Variants in SYDE1 observed in about 807,000 individuals in gnomAD.
SYDE1 encodes the protein synapse defective Rho GTPase activating protein 1.
SYDE1 carries 34 observed loss-of-function variants against 63.3 expected under a neutral mutation model. That is an observed-to-expected ratio of 0.54 (90% CI 0.41 to 0.71). SYDE1 has a LOEUF of 0.71. SYDE1 is among the 30% of genes least tolerant of loss of function. SYDE1 has a pLI of 0.00. For missense variants in SYDE1, 925 were observed against 1,042.5 expected (o/e 0.89, Z 1.55); for synonymous variants, 467 against 473.4 (o/e 0.99, Z 0.18).
At position 15,108,709 on chromosome 19, in the gene SYDE1, A is replaced by T; in HGVS notation, c.89-347A>T. On this transcript the variant is annotated intron_variant, in intron 1 of 7. Coordinates refer to ENST00000342784, the MANE Select transcript of SYDE1 (RefSeq NM_033025.6). This position sits in a 1 kb window ranked among gnomAD's most constrained non-coding sequence, Gnocchi z 4.3. ...AGAGGGAAGCGACTTGCCCAAGGCC[A>T]CGCAGGTGCAAAGCTCCATGCCACG... is the stretch of plus-strand genomic sequence containing the variant. 4.3e-6 allele frequency: 1 copy of T among 234,468 alleles called. No homozygotes were observed. The highest frequency in any genetic ancestry group is 8.2e-6 in the Non-Finnish European group (1 of 121,968). The allele number at this position is 234,468 out of a possible 1,614,324, so 14.5% of individuals were successfully genotyped here.
In SYDE1 at chr19:15,110,155, A is replaced by C; in HGVS notation, c.882A>C (p.Gln294His). 1 of 1,406,082 alleles carries C rather than the reference A, an allele frequency of 7.1e-7. No individual in the cohort carries two copies. The highest frequency in any genetic ancestry group is 1.6e-5 in the South Asian group (1 of 62,346). 87.1% of individuals were successfully genotyped at this position (1,406,082 alleles called of 1,614,324 possible). A position where few individuals can be genotyped will look rare whatever the true frequency, so the allele number is the denominator to read the frequency against. The change falls in exon 3 of 8, where the codon CAA becomes CAC. Residue 294 changes from glutamine (Q) to histidine (H), a missense_variant. By Grantham distance (24) the Gln-to-His change is conservative. Around this residue, in one of 3 missense-constraint regions of SYDE1, gnomAD observed 599 missense variants for 653.7 expected, o/e 0.92. Coordinates refer to ENST00000342784, the MANE Select transcript of SYDE1 (RefSeq NM_033025.6). This position sits in a 1 kb window ranked among gnomAD's most constrained non-coding sequence, Gnocchi z 6.9. ...ATPRDLCCLL[Q>H]VDGEARARTG... ...CCAGGGACCTCTGCTGCCTACTGCA[A>C]GTGGATGGGGAGGCCAGGGCCCGAA...
At chr19:15,112,661 G>A (rs1466626111) in intron 7 of SYDE1, 90 bp downstream of exon 7, 2 of 1,133,092 alleles carry the variant, frequency 1.8e-6, no homozygotes, top group African/African-American at 1.6e-5. Context: ...TCTTAGGCTT[G>A]AAGCTACGCC....
In SYDE1 at chr19:15,111,541, C is replaced by T. The variant is rs2046345945; in HGVS notation, c.1418-91C>T. 6.9e-6 allele frequency: 11 copies of T among 1,596,768 alleles called. No homozygotes were observed. Among genetic ancestry groups the T allele is most frequent in the Non-Finnish European group, 9.4e-6 (11 of 1,168,998 alleles). On this transcript the variant is annotated intron_variant, in intron 5 of 7. Coordinates refer to ENST00000342784, the MANE Select transcript of SYDE1 (RefSeq NM_033025.6). The surrounding 1 kb of genome is among the most constrained non-coding windows in gnomAD (Gnocchi z 5.5). ...ACCTCAGTCCTCCTATCTGACCTTGCTTTCACCCACCTCCTCTTCCCCCTT... is the reference window on the plus strand; with the variant it reads ...ACCTCAGTCCTCCTATCTGACCTTGTTTTCACCCACCTCCTCTTCCCCCTT...
chr19:15,109,297 C>G lies in SYDE1; in HGVS notation c.330C>G (p.Ile110Met). Residue 110 changes from isoleucine (I) to methionine (M), a missense_variant, in exon 2 of 8, where the codon ATC (isoleucine) becomes ATG (methionine). Ile to Met is a conservative substitution (Grantham distance 10). Around this residue, in one of 3 missense-constraint regions of SYDE1, gnomAD observed 599 missense variants for 653.7 expected, o/e 0.92. Transcript: ENST00000342784. The surrounding 1 kb of genome is among the most constrained non-coding windows in gnomAD (Gnocchi z 5.0). ...VPGTGEPAGE[I>M]WYNPIPEEDP... ...GCACTGGGGAGCCCGCCGGCGAGATCTGGTACAACCCCATCCCTGAGGAAG... is the reference window on the plus strand; with the variant it reads ...GCACTGGGGAGCCCGCCGGCGAGATGTGGTACAACCCCATCCCTGAGGAAG... 4 of 1,613,686 alleles carry G rather than the reference C, an allele frequency of 2.5e-6. No homozygotes were observed. The highest frequency in any genetic ancestry group is 2.2e-5 in the East Asian group (1 of 44,872).
At position 15,111,862 on chromosome 19, in the gene SYDE1, C is replaced by G. The variant is rs2046348008; in HGVS notation, c.1578+70C>G. 1 of 1,453,420 alleles carries G rather than the reference C, an allele frequency of 6.9e-7. No homozygotes were observed. 90.0% of individuals were successfully genotyped at this position (1,453,420 alleles called of 1,614,324 possible). A position where few individuals can be genotyped will look rare whatever the true frequency, so the allele number is the denominator to read the frequency against. On this transcript the variant is annotated intron_variant, in intron 6 of 7. Transcript: ENST00000342784. This position sits in a 1 kb window ranked among gnomAD's most constrained non-coding sequence, Gnocchi z 5.5. ...ATACCAATAGAATGTTTCACCCATG[C>G]CTGGGCCTGAGATGGGCATGAGCTG...
In SYDE1 at chr19:15,111,678, C is replaced by G. The variant is rs1477992795; in HGVS notation, c.1464C>G (p.Thr488=). ...YLRELPTPLI[T]QPLYKVVLEA... ...GAGAGTTGCCCACCCCACTCATCACCCAGCCCCTGTATAAGGTGGTACTGG... is the reference window on the plus strand; with the variant it reads ...GAGAGTTGCCCACCCCACTCATCACGCAGCCCCTGTATAAGGTGGTACTGG... Residue 488 remains threonine (T), a synonymous_variant, in exon 6 of 8, where the codon ACC becomes ACG. Transcript: ENST00000342784. The surrounding 1 kb of genome is among the most constrained non-coding windows in gnomAD (Gnocchi z 5.5). The G allele has an allele frequency of 6.2e-7, 1 of 1,613,716 alleles. No homozygotes were observed. The highest frequency in any genetic ancestry group is 1.1e-5 in the South Asian group (1 of 91,036).
rs1189513379 is a variant in SYDE1, at chr19:15,109,972, G to A, written c.699G>A (p.Gly233=). 1 of 1,485,336 alleles carries A rather than the reference G, an allele frequency of 6.7e-7. No homozygotes were observed. The highest frequency in any genetic ancestry group is 2.6e-5 in the East Asian group (1 of 37,814). The allele number at this position is 1,485,336 out of a possible 1,614,324, so 92.0% of individuals were successfully genotyped here. The change falls in exon 3 of 8, where the codon GGG becomes GGA. Residue 233 remains glycine, a synonymous_variant. Transcript: ENST00000342784. The surrounding 1 kb of genome is among the most constrained non-coding windows in gnomAD (Gnocchi z 5.0). ...CGAGGGCCGGTTACCTCAGCGACGG[G>A]GACTCACCGGAGCGCCCAGCTGGGC... ...RSPRAGYLSD[G]DSPERPAGPP...
chr19:15,109,168 T>A lies in SYDE1; in HGVS notation c.201T>A (p.Pro67=), dbSNP rs1568327694. 1 of 1,554,430 alleles carries A rather than the reference T, an allele frequency of 6.4e-7. No individual in the cohort carries two copies. Among genetic ancestry groups the A allele is most frequent in the East Asian group, 2.4e-5 (1 of 41,412 alleles). ...GPSSPEASRS[P]ARGAYLQSLE... ...CCAGCCCCGAGGCATCAAGGAGCCC[T>A]GCACGGGGAGCCTACCTGCAAAGCC... Residue 67 remains proline, a synonymous_variant, in exon 2 of 8, where the codon CCT becomes CCA. Transcript: ENST00000342784. This position sits in a 1 kb window ranked among gnomAD's most constrained non-coding sequence, Gnocchi z 5.0.
Position 15,111,597 on chromosome 19 carries a change from T to A in SYDE1, c.1418-35T>A, listed in dbSNP as rs1208025183. The A allele has an allele frequency of 6.2e-7, 1 of 1,612,620 alleles. No homozygotes were observed. The highest frequency in any genetic ancestry group is 1.3e-5 in the African/African-American group (1 of 74,904). On this transcript the variant is annotated intron_variant, in intron 5 of 7. Coordinates refer to ENST00000342784, the MANE Select transcript of SYDE1 (RefSeq NM_033025.6). This position sits in a 1 kb window ranked among gnomAD's most constrained non-coding sequence, Gnocchi z 5.5. The stretch of plus-strand genomic sequence containing the variant: ...TGCCCTCCTTAGCCTTAGAAGCCAG[T>A]GGTGCCCTGACCAGAGGGGACCCTG...
chr19:15,110,500 C>T lies in SYDE1; in HGVS notation c.1076-21C>T, dbSNP rs775160017. The T allele has an allele frequency of 6.4e-7, 1 of 1,552,152 alleles. No individual in the cohort carries two copies. ...ATGAAGCTTCAGAGCACACCCGGCT[C>T]AGGCCCCCTTGTGTCCTCAGGGTGC... is the stretch of plus-strand genomic sequence containing the variant. On this transcript the variant is annotated intron_variant, in intron 3 of 7. Transcript: ENST00000342784. This position sits in a 1 kb window ranked among gnomAD's most constrained non-coding sequence, Gnocchi z 6.9.
At chr19:15,112,645 T>C (rs1431996729) in intron 7 of SYDE1, 74 bp downstream of exon 7, 4 of 1,340,696 alleles carry the variant, frequency 3.0e-6, no homozygotes, top group South Asian at 1.5e-5. Context: ...AAGGGACCAA[T>C]CAGTGTCTTA....
In SYDE1 at chr19:15,113,680, G is replaced by T. The variant is rs896475667; in HGVS notation, c.1925G>T (p.Gly642Val). The change falls in exon 8 of 8, where the codon GGC (glycine) becomes GTC (valine). Residue 642 changes from glycine (G) to valine (V), a missense_variant. Gly to Val is a moderately radical substitution (Grantham distance 109). This residue lies in a region of SYDE1 where 255 missense variants were observed against 255.9 expected (regional missense o/e 1.00). Transcript: ENST00000342784. ...EVVTRPRGRGGPESPPSNRYA... is the reference protein window; with the variant it reads ...EVVTRPRGRGVPESPPSNRYA... ...GTGACTCGGCCCCGCGGTCGAGGAG[G>T]CCCCGAAAGCCCCCCGAGCAACCGC... 6.2e-7 allele frequency: 1 copy of T among 1,613,284 alleles called. No homozygotes were observed. Among genetic ancestry groups the T allele is most frequent in the Non-Finnish European group, 8.5e-7 (1 of 1,179,818 alleles).
In SYDE1 at chr19:15,107,566, G is replaced by T. The variant is rs1045238818; in HGVS notation, c.88+45G>T. 56 of 1,450,932 alleles carry T rather than the reference G, an allele frequency of 3.9e-5. No homozygotes were observed. The Admixed American group carries it at 5.3e-4, about 14-fold the overall frequency. 89.9% of individuals were successfully genotyped at this position (1,450,932 alleles called of 1,614,324 possible). On this transcript the variant is annotated intron_variant, in intron 1 of 7. Coordinates refer to ENST00000342784, the MANE Select transcript of SYDE1 (RefSeq NM_033025.6). ...GAACAGGGGGCGCCGAGCCCCACCC[G>T]GCCTGGGAGCGGGGTCCCAGGGCCC...
In SYDE1 at chr19:15,109,180, C is replaced by T. The variant is rs537900084; in HGVS notation, c.213C>T (p.Ala71=). The T allele has an allele frequency of 7.1e-6, 11 of 1,557,520 alleles. No individual in the cohort carries two copies. The South Asian group carries it at 1.3e-4, about 18-fold the overall frequency. Residue 71 remains alanine, a synonymous_variant, in exon 2 of 8, where the codon GCC becomes GCT. Coordinates refer to ENST00000342784, the MANE Select transcript of SYDE1 (RefSeq NM_033025.6). The surrounding 1 kb of genome is among the most constrained non-coding windows in gnomAD (Gnocchi z 5.0). ...CATCAAGGAGCCCTGCACGGGGAGCCTACCTGCAAAGCCTGGAGCCCAGTA... is the reference window on the plus strand; with the variant it reads ...CATCAAGGAGCCCTGCACGGGGAGCTTACCTGCAAAGCCTGGAGCCCAGTA... ...PEASRSPARG[A]YLQSLEPSSR...
intron 7 of SYDE1, among the ~76,000 whole-genome samples, chr19:15,112,998 A>G (rs568533059): frequency 6.6e-6 from 1 of 152,052 alleles, no homozygotes; most frequent in Admixed American, 6.6e-5. Context: ...TCTGCCTCCC[A>G]GGTTCAAGGG....
rs374576332 is a variant in SYDE1, at chr19:15,113,664, C to T, written c.1909C>T (p.Pro637Ser). The T allele has an allele frequency of 5.6e-6, 9 of 1,613,058 alleles. No homozygotes were observed. In the Admixed American group the frequency reaches 8.3e-5, roughly 15 times the overall value. Reference sequence around the variant, plus strand: ...GGCAGACCCCGAAGTGGTGACTCGGCCCCGCGGTCGAGGAGGCCCCGAAAG... The same window carrying T: ...GGCAGACCCCGAAGTGGTGACTCGGTCCCGCGGTCGAGGAGGCCCCGAAAG... ...PLADPEVVTRPRGRGGPESPP... is the reference protein window; with the variant it reads ...PLADPEVVTRSRGRGGPESPP... The change falls in exon 8 of 8, where the codon CCC becomes TCC. Residue 637 changes from proline to serine, a missense_variant. Pro to Ser is a moderately conservative substitution (Grantham distance 74). Coordinates refer to ENST00000342784, the MANE Select transcript of SYDE1 (RefSeq NM_033025.6).
Position 15,110,361 on chromosome 19 carries a change from G to C in SYDE1, c.1075+13G>C, listed in dbSNP as rs1053073134. On this transcript the variant is annotated intron_variant, in intron 3 of 7. Coordinates refer to ENST00000342784, the MANE Select transcript of SYDE1 (RefSeq NM_033025.6). This position sits in a 1 kb window ranked among gnomAD's most constrained non-coding sequence, Gnocchi z 6.9. ...ACGGTCTTCCGAGGTAGGACATGCG[G>C]CTGCAGGGGAGGAGGGGCAGGGACC... is the stretch of plus-strand genomic sequence containing the variant. 1.4e-6 allele frequency: 2 copies of C among 1,434,740 alleles called. No homozygotes were observed. The highest frequency in any genetic ancestry group is 9.1e-7 in the Non-Finnish European group (1 of 1,095,670). The allele number at this position is 1,434,740 out of a possible 1,614,324, so 88.9% of individuals were successfully genotyped here.
rs766761902 is a variant in SYDE1, at chr19:15,111,645, T to A, written c.1431T>A (p.Asp477Glu). The change falls in exon 6 of 8, where the codon GAT (aspartate) becomes GAA (glutamate). Residue 477 changes from aspartate (D) to glutamate (E), a missense_variant. Coordinates refer to ENST00000342784, the MANE Select transcript of SYDE1 (RefSeq NM_033025.6). The surrounding 1 kb of genome is among the most constrained non-coding windows in gnomAD (Gnocchi z 5.5). ...DINVITGILK[D>E]YLRELPTPLI... ...CTGTGTTCACAGGCATCCTCAAGGATTATCTTCGAGAGTTGCCCACCCCAC... is the reference window on the plus strand; with the variant it reads ...CTGTGTTCACAGGCATCCTCAAGGAATATCTTCGAGAGTTGCCCACCCCAC... 1.9e-6 allele frequency: 3 copies of A among 1,613,900 alleles called. No individual in the cohort carries two copies. Among genetic ancestry groups the A allele is most frequent in the Non-Finnish European group, 2.5e-6 (3 of 1,179,968 alleles).
At chr19:15,112,120 A>G (rs895072379) in intron 6 of SYDE1, among the ~76,000 whole-genome samples, 1 of 152,198 alleles carries the variant, frequency 6.6e-6, no homozygotes, top group Non-Finnish European at 1.5e-5. Flanking sequence ...AATGAGATTC[A>G]TGGCAGCTCT....
Sources: gnomAD v4.1 joint callset for allele counts (sites outside exome capture counted in the v4.1 genomes callset) on GRCh38, gnomAD v4.1.1 for gene constraint, gnomAD v4.1.1 regional missense constraint, Gnocchi (gnomAD v3.1) non-coding constraint, MANE v1.5 for transcripts, NCBI Gene and HGNC (gene_info 2026-07-23, HGNC 2026-07-21) for gene names.